The following MAML2 variants were observed in gnomAD, a reference collection of about 807,000 sequenced individuals.
MAML2 encodes the protein mastermind like transcriptional coactivator 2, also known as mastermind-like protein 2.
MAML2 carries 22 observed loss-of-function variants against 96.1 expected under a neutral mutation model. The ratio of observed to expected loss-of-function variants is 0.23; its 90% confidence interval spans 0.16 to 0.33. The LOEUF is 0.33. Ranked by LOEUF, MAML2 falls within the 10% of genes least tolerant of loss-of-function variation. The pLI, the probability that MAML2 is intolerant of heterozygous loss-of-function variation, is 1.00. For missense variants in MAML2, 1,367 were observed against 1,392.4 expected, an observed-to-expected ratio of 0.98 and a Z score of 0.29; for synonymous variants, 561 against 521.3, an observed-to-expected ratio of 1.08 and a Z score of -1.04.
At chr11:96,299,127 T>C (rs1863352169) in intron 1 of MAML2, among the ~76,000 whole-genome samples, 1 of 145,752 alleles carries the variant, frequency 6.9e-6, no homozygotes, top group South Asian at 2.2e-4. Flanking sequence ...TTGGTATTAA[T>C]GTGCTGATTT....
intron 2 of MAML2, among the ~76,000 whole-genome samples, chr11:96,044,970 C>A (rs183877584): frequency 1.6e-3 from 245 of 152,204 alleles, no homozygotes; most frequent in Middle Eastern, 3.4e-3. Flanking sequence ...AGGACAGGAC[C>A]ACTGCAGATA....
intron 1 of MAML2, among the ~76,000 whole-genome samples, chr11:96,255,934 C>T (rs573851808): frequency 1.6e-4 from 22 of 135,612 alleles, no homozygotes; most frequent in African/African-American, 5.3e-4. Flanking sequence ...AGTGCAATGG[C>T]GCGATCTTGG....
intron 1 of MAML2, among the ~76,000 whole-genome samples, chr11:96,124,111 AAAAAAAGGAG>A (rs1860397471): frequency 6.6e-6 from 1 of 151,552 alleles, no homozygotes; most frequent in African/African-American, 2.4e-5. Context: ...AAAAAAAAAA[AAAAAAAGGAG>A]TAAACCCAGC....
At chr11:96,183,543 A>G (rs1861523622) in intron 1 of MAML2, among the ~76,000 whole-genome samples, 2 of 150,496 alleles carry the variant, frequency 1.3e-5, no homozygotes, top group African/African-American at 4.9e-5. Context: ...GACCACAGGC[A>G]CATGCCACCA....
At chr11:96,022,591 C>G (rs927403698) in intron 2 of MAML2, among the ~76,000 whole-genome samples, 1 of 141,122 alleles carries the variant, frequency 7.1e-6, no homozygotes, top group Non-Finnish European at 1.6e-5. Flanking sequence ...ATCTGTCCCC[C>G]GAATATCTGT....
chr11:95,982,186 C>A (rs1857750837), intron 4 of MAML2, among the ~76,000 whole-genome samples: 1 of 152,174 alleles, frequency 6.6e-6, no homozygotes, highest in Middle Eastern at 3.2e-3. Context: ...ATGATTCTGA[C>A]CCACTTGAGT....
At chr11:96,076,426 TCTCTCTCA>T (rs1309086080) in intron 2 of MAML2, among the ~76,000 whole-genome samples, 108 of 88,956 alleles carry the variant, frequency 1.2e-3, no homozygotes, top group African/African-American at 5.1e-3. Context: ...TGTCTCTCTC[TCTCTCTCA>T]CACACACACA....
intron 1 of MAML2, among the ~76,000 whole-genome samples, chr11:96,128,917 T>G (rs1005583631): frequency 6.6e-6 from 1 of 152,222 alleles, no homozygotes; most frequent in Non-Finnish European, 1.5e-5. Context: ...AATTGTTATT[T>G]ATATAAAACA....
At chr11:96,033,519 G>T (rs1428371663) in intron 2 of MAML2, among the ~76,000 whole-genome samples, 1 of 152,220 alleles carries the variant, frequency 6.6e-6, no homozygotes, top group Admixed American at 6.5e-5. Context: ...GCTCCTTGAA[G>T]ACAGGGATTG....
chr11:96,145,300 C>A (rs1386449901), intron 1 of MAML2, among the ~76,000 whole-genome samples: 2 of 152,178 alleles, frequency 1.3e-5, no homozygotes, highest in Non-Finnish European at 2.9e-5. Context: ...TATTGCTAAA[C>A]CCTGTACCAA....
At chr11:96,295,098 GACA>G (rs1863272903) in intron 1 of MAML2, among the ~76,000 whole-genome samples, 1 of 152,144 alleles carries the variant, frequency 6.6e-6, no homozygotes, top group Admixed American at 6.5e-5. Flanking sequence ...ACTTTAGTCA[GACA>G]ACATCAACAC....
intron 2 of MAML2, among the ~76,000 whole-genome samples, chr11:96,002,055 A>G (rs1419595591): frequency 1.3e-5 from 2 of 152,174 alleles, no homozygotes; most frequent in East Asian, 3.9e-4. Flanking sequence ...CTGACCACTT[A>G]GAACTGAGTT....
intron 1 of MAML2, among the ~76,000 whole-genome samples, chr11:96,099,546 C>T (rs1003022813): frequency 6.6e-6 from 1 of 152,140 alleles, no homozygotes; most frequent in African/African-American, 2.4e-5. Context: ...CATTCATTGC[C>T]TTATACTTCT....
chr11:96,282,031 C>T (rs1353404626), intron 1 of MAML2, among the ~76,000 whole-genome samples: 3 of 151,988 alleles, frequency 2.0e-5, no homozygotes, highest in Admixed American at 6.6e-5. Flanking sequence ...AGGCGGATCA[C>T]GAGGTCAGGA....
At chr11:96,266,923 A>G (rs1862837219) in intron 1 of MAML2, among the ~76,000 whole-genome samples, 1 of 152,254 alleles carries the variant, frequency 6.6e-6, no homozygotes, top group South Asian at 2.1e-4. Flanking sequence ...TTAATAAAAC[A>G]TAACGTTATT....
chr11:96,313,491 C>G (rs1413760143), intron 1 of MAML2, among the ~76,000 whole-genome samples: 1 of 152,172 alleles, frequency 6.6e-6, no homozygotes, highest in East Asian at 1.9e-4. Context: ...CTTGGTCACA[C>G]AGTCTTCATT....
chr11:96,338,747 C>T (rs1393121420), intron 1 of MAML2, among the ~76,000 whole-genome samples: 1 of 152,212 alleles, frequency 6.6e-6, no homozygotes, highest in Non-Finnish European at 1.5e-5. Flanking sequence ...TAAAGTTATA[C>T]ATTCAACACA....
In MAML2 at chr11:95,992,597, T is replaced by C. The variant is rs552283394; in HGVS notation, c.2140-874A>G. Among the ~76,000 whole-genome samples, 3 of 152,320 alleles carry C rather than the reference T, an allele frequency of 2.0e-5. No homozygotes were observed. The South Asian group carries it at 6.2e-4, about 32-fold the overall frequency. On this transcript the variant is annotated intron_variant, in intron 2 of 4. Coordinates refer to ENST00000524717, the MANE Select transcript of MAML2 (RefSeq NM_032427.4). ...AAGACTAGAAAATATGGTTATCACC[T>C]TAGAGAATTTATCACCCAAGTGAGG...
chr11:96,044,586 T>A (rs80124489), intron 2 of MAML2, among the ~76,000 whole-genome samples: 1 of 152,190 alleles, frequency 6.6e-6, no homozygotes, highest in Non-Finnish European at 1.5e-5. Context: ...TAATTATATT[T>A]GGAATGAATG....
Sources: allele counts gnomAD v4.1 joint callset (sites outside exome capture counted in the v4.1 genomes callset), GRCh38; gene constraint gnomAD v4.1.1; transcripts MANE v1.5; gene names NCBI Gene and HGNC (gene_info 2026-07-23, HGNC 2026-07-21).